The following SRGAP1 variants were observed in gnomAD, a reference collection of about 807,000 sequenced individuals.
The protein encoded by SRGAP1 is SLIT-ROBO Rho GTPase-activating protein 1.
A neutral mutation model predicts 121.9 loss-of-function variants in SRGAP1; 43 were observed. That is an observed-to-expected ratio of 0.35 (90% confidence interval 0.28 to 0.46). The LOEUF is 0.46. SRGAP1 is among the 20% of genes least tolerant of loss of function. The probability of loss-of-function intolerance (pLI) is 1.00; values close to 1 mark genes in which losing one functional copy is unlikely to be tolerated. For synonymous variants in SRGAP1, 447 were observed against 485.4 expected (o/e 0.92, Z 1.04); for missense variants, 1,102 against 1,350.9 (o/e 0.82, Z 2.89).
Position 64,041,358 on chromosome 12 carries a change from A to G in SRGAP1, c.490-1432A>G, listed in dbSNP as rs1042511648. Among the ~76,000 whole-genome samples the G allele has an allele frequency of 6.5e-5, 9 of 138,016 alleles. No homozygotes were observed. The South Asian group carries it at 2.1e-3, about 32-fold the overall frequency. 90.5% of individuals were successfully genotyped at this position (138,016 alleles called of 152,430 possible). ...AGAGAGAAATCATATATGGCATTTT[A>G]TTTTATTTATTTATTTATTTATTTA... On this transcript the variant is annotated intron_variant, in intron 4 of 21. Coordinates refer to ENST00000355086, the MANE Select transcript of SRGAP1 (RefSeq NM_020762.4).
intron 6 of SRGAP1, among the ~76,000 whole-genome samples, chr12:64,060,540 T>C (rs1361128418): frequency 6.6e-6 from 1 of 152,172 alleles, no homozygotes; most frequent in Admixed American, 6.6e-5. Flanking sequence ...CCCCTGGTGA[T>C]GCCATTGCTG....
In SRGAP1 at chr12:64,161,149, A is replaced by G. The variant is rs1461356545; in HGVS notation, c.*18477A>G. The G allele has an allele frequency of 6.6e-6, 1 of 152,132 alleles. No individual in the cohort carries two copies. The highest frequency in any genetic ancestry group is 1.9e-4 in the East Asian group (1 of 5,202). The allele number at this position is 152,132 out of a possible 1,614,324, so 9.4% of individuals were successfully genotyped here. A position where few individuals can be genotyped will look rare whatever the true frequency, so the allele number is the denominator to read the frequency against. On this transcript the variant is annotated 3_prime_UTR_variant, in exon 22 of 22. Transcript: ENST00000355086. ...TTTTATTTCATTTGCTTAGCTTTCT[A>G]TGTACATAAGTAGATAAAAATTAAT... is the stretch of plus-strand genomic sequence containing the variant.
At chr12:63,983,105 G>A (rs550011558) in intron 1 of SRGAP1, 1 of 152,328 alleles carries the variant, frequency 6.6e-6, no homozygotes, top group Non-Finnish European at 1.5e-5. Context: ...ATGGAAAGAA[G>A]TTATTTTTAG....
At chr12:64,079,792 A>G (rs1348858573) in intron 9 of SRGAP1, among the ~76,000 whole-genome samples, 1 of 152,140 alleles carries the variant, frequency 6.6e-6, no homozygotes, top group Non-Finnish European at 1.5e-5. Context: ...GTACAGAAGG[A>G]ACCTGAGAGT....
chr12:63,900,326 C>T (rs1361237499), intron 1 of SRGAP1, among the ~76,000 whole-genome samples: 4 of 151,124 alleles, frequency 2.6e-5, no homozygotes, highest in African/African-American at 9.7e-5. Context: ...CTGCCTCAGC[C>T]TCCTGAGTAG....
intron 1 of SRGAP1, chr12:63,872,154 T>G (rs1899875795): frequency 7.8e-6 from 3 of 383,744 alleles, no homozygotes; most frequent in Non-Finnish European, 1.4e-5. Context: ...AATGGAACAT[T>G]TCGTTATGTT....
chr12:63,905,056 T>A (rs1171931290), intron 1 of SRGAP1, among the ~76,000 whole-genome samples: 1 of 152,158 alleles, frequency 6.6e-6, no homozygotes, highest in Non-Finnish European at 1.5e-5. Context: ...CCAGGAAAAT[T>A]TATGTATCAG....
chr12:63,865,164 A>T (rs1899582333), intron 1 of SRGAP1, among the ~76,000 whole-genome samples: 1 of 152,134 alleles, frequency 6.6e-6, no homozygotes, highest in Admixed American at 6.6e-5. Context: ...TTTTCTGAGT[A>T]AAAATCCGTA....
intron 1 of SRGAP1, among the ~76,000 whole-genome samples, chr12:63,949,081 T>C (rs61933143): frequency 1.2e-5 from 1 of 80,422 alleles, no homozygotes; most frequent in African/African-American, 4.0e-5. Flanking sequence ...TCCATATATG[T>C]ATTTTCCATA....
chr12:63,849,076 C>T (rs118001652), intron 1 of SRGAP1, among the ~76,000 whole-genome samples: 5,373 of 152,252 alleles, frequency 0.035, 146 homozygotes, highest in Middle Eastern at 0.085. Context: ...ATGAATTGAA[C>T]ATTTCATGCC....
rs1340131029 is a variant in SRGAP1 at position 64,150,770 on chromosome 12, A to C, written c.*8098A>C. ...GTGAGATCCCATCTCTACCAAAAAA[A>C]AAAAAAATACAAAAATTAGCCAGAC... On this transcript the variant is annotated 3_prime_UTR_variant, in exon 22 of 22. Coordinates refer to ENST00000355086, the MANE Select transcript of SRGAP1 (RefSeq NM_020762.4). 3.3e-5 allele frequency: 2 copies of C among 61,134 alleles called. No homozygotes were observed. The highest frequency in any genetic ancestry group is 9.7e-5 in the Non-Finnish European group (2 of 20,642). 3.8% of individuals were successfully genotyped at this position (61,134 alleles called of 1,614,324 possible). A position where few individuals can be genotyped will look rare whatever the true frequency, so the allele number is the denominator to read the frequency against.
intron 1 of SRGAP1, among the ~76,000 whole-genome samples, chr12:63,956,720 CTTT>C (rs3067620): frequency 3.5e-4 from 34 of 96,940 alleles, no homozygotes; most frequent in African/African-American, 4.6e-4. Flanking sequence ...GTAAGCAAGG[CTTT>C]TTTTTTTTTT....
intron 1 of SRGAP1, among the ~76,000 whole-genome samples, chr12:63,939,592 C>A (rs150300701): frequency 6.6e-6 from 1 of 152,048 alleles, no homozygotes; most frequent in African/African-American, 2.4e-5. Flanking sequence ...TGAGTGGGCC[C>A]CTGGCTTCCT....
intron 1 of SRGAP1, among the ~76,000 whole-genome samples, chr12:63,937,987 G>A (rs1390402795): frequency 1.3e-5 from 2 of 152,172 alleles, no homozygotes; most frequent in Non-Finnish European, 2.9e-5. Context: ...GGATGACCAG[G>A]TCAGCCAAAA....
chr12:64,090,668 C>T (rs530891653), intron 11 of SRGAP1, among the ~76,000 whole-genome samples: 5 of 151,936 alleles, frequency 3.3e-5, no homozygotes, highest in African/African-American at 7.3e-5. Context: ...AGGGGGACTC[C>T]GTCTCTATAA....
chr12:63,966,582 C>T (rs968373289), intron 1 of SRGAP1, among the ~76,000 whole-genome samples: 4 of 151,900 alleles, frequency 2.6e-5, no homozygotes, highest in African/African-American at 9.7e-5. Context: ...ACCCCATATT[C>T]TAATTTTTTT....
At chr12:64,116,701 G>C (rs2036529825) in intron 18 of SRGAP1, among the ~76,000 whole-genome samples, 1 of 152,164 alleles carries the variant, frequency 6.6e-6, no homozygotes, top group Non-Finnish European at 1.5e-5. Context: ...TGCACTGTTA[G>C]GACATTTTGA....
intron 12 of SRGAP1, among the ~76,000 whole-genome samples, chr12:64,094,576 T>C (rs922084290): frequency 2.6e-5 from 4 of 152,174 alleles, no homozygotes; most frequent in Admixed American, 6.5e-5. Context: ...GGCTGAAAGG[T>C]TGTCTTTCAT....
At chr12:63,998,397 G>T (rs1318753796) in intron 3 of SRGAP1, among the ~76,000 whole-genome samples, 1 of 152,176 alleles carries the variant, frequency 6.6e-6, no homozygotes, top group Non-Finnish European at 1.5e-5. Context: ...AAAGAAATCA[G>T]AGTGGGTCCT....
Sources: gnomAD v4.1 joint callset for allele counts (sites outside exome capture counted in the v4.1 genomes callset) on GRCh38, gnomAD v4.1.1 for gene constraint, MANE v1.5 for transcripts, NCBI Gene and HGNC (gene_info 2026-07-23, HGNC 2026-07-21) for gene names.